Variants in MAGI2 observed in about 807,000 individuals in gnomAD.
MAGI2 encodes the protein membrane-associated guanylate kinase, WW and PDZ domain-containing protein 2.
Under a neutral mutation model 133.3 loss-of-function variants are expected in MAGI2, and 35 were observed. That is an observed-to-expected ratio of 0.26 (90% CI 0.20 to 0.35). MAGI2 has a LOEUF of 0.35. MAGI2 is among the 10% of genes least tolerant of loss of function. MAGI2 has a pLI of 1.00. For missense variants in MAGI2, 1,636 were observed against 1,863.4 expected, an observed-to-expected ratio of 0.88 and a Z score of 2.25; for synonymous variants, 729 against 710.6, an observed-to-expected ratio of 1.03 and a Z score of -0.41.
chr7:78,352,358 C>T (rs763662953), intron 7 of MAGI2, among the ~76,000 whole-genome samples: 40 of 152,222 alleles, frequency 2.6e-4, no homozygotes, highest in African/African-American at 6.7e-4. Flanking sequence ...GTTTTAAATA[C>T]GTTATTATAA....
At position 78,178,085 on chromosome 7, in the gene MAGI2, A is replaced by G. The variant is rs76346657; in HGVS notation, c.2329T>C (p.Leu777=). 1,986 of 1,612,356 alleles carry G rather than the reference A, an allele frequency of 1.2e-3. 20 individuals are homozygous for G. The African/African-American group carries it at 0.024, about 19-fold the overall frequency. Residue 777 remains leucine, a synonymous_variant, in exon 14 of 22, where the codon TTG becomes CTG. Coordinates refer to ENST00000354212, the MANE Select transcript of MAGI2 (RefSeq NM_012301.4). ...MDSSGPDYKE[L]DVHLRRMESG... is the part of the protein sequence containing the mutation. ...TCCATCCTCCGAAGATGAACATCCA[A>G]TTCCTTATAATCTGGACCTGGCATA...
intron 1 of MAGI2, among the ~76,000 whole-genome samples, chr7:79,067,423 A>T (rs1814466834): frequency 6.6e-6 from 1 of 152,198 alleles, no homozygotes; most frequent in Non-Finnish European, 1.5e-5. Flanking sequence ...AATGGTGTAT[A>T]GGAATGCTTG....
chr7:78,158,421 A>T (rs1029084769), intron 16 of MAGI2: 1 of 152,210 alleles, frequency 6.6e-6, no homozygotes, highest in Non-Finnish European at 1.5e-5. Flanking sequence ...GAAGACAAAT[A>T]TGGGCTATGA....
At chr7:78,165,763 G>A (rs1195997193) in intron 15 of MAGI2, among the ~76,000 whole-genome samples, 6 of 152,044 alleles carry the variant, frequency 3.9e-5, no homozygotes, top group Admixed American at 1.3e-4. Context: ...ATAACAAAAC[G>A]ACAATGACAG....
intron 2 of MAGI2, among the ~76,000 whole-genome samples, chr7:78,754,052 C>T (rs1823710527): frequency 6.6e-6 from 1 of 152,074 alleles, no homozygotes; most frequent in South Asian, 2.1e-4. Flanking sequence ...CTGATGGAAA[C>T]TTGCATATTT....
intron 1 of MAGI2, among the ~76,000 whole-genome samples, chr7:79,035,219 G>A (rs986132424): frequency 6.7e-6 from 1 of 148,376 alleles, no homozygotes; most frequent in African/African-American, 2.5e-5. Flanking sequence ...GGCGGCGGGG[G>A]CAGGGGGGGT....
chr7:78,651,111 C>T (rs2151013894), intron 2 of MAGI2, among the ~76,000 whole-genome samples: 1 of 152,232 alleles, frequency 6.6e-6, no homozygotes, highest in Non-Finnish European at 1.5e-5. Context: ...TATTTCAAAT[C>T]AATCATTACA....
At chr7:78,516,805 G>A (rs750139839) in intron 4 of MAGI2, among the ~76,000 whole-genome samples, 1 of 152,180 alleles carries the variant, frequency 6.6e-6, no homozygotes, top group East Asian at 1.9e-4. Context: ...GTGATATTTC[G>A]AAGGCAAGGA....
At chr7:79,294,462 C>T (rs954474905) in intron 1 of MAGI2, among the ~76,000 whole-genome samples, 1 of 151,992 alleles carries the variant, frequency 6.6e-6, no homozygotes, top group Non-Finnish European at 1.5e-5. Context: ...AGGCTCCTCC[C>T]CAATGCAAAC....
At chr7:79,064,685 C>A (rs562009699) in intron 1 of MAGI2, among the ~76,000 whole-genome samples, 1 of 152,166 alleles carries the variant, frequency 6.6e-6, no homozygotes, top group African/African-American at 2.4e-5. Flanking sequence ...CTTGACAATC[C>A]ATTATTCCTT....
intron 1 of MAGI2, among the ~76,000 whole-genome samples, chr7:79,339,618 T>C (rs1005791648): frequency 6.6e-6 from 1 of 152,160 alleles, no homozygotes; most frequent in Non-Finnish European, 1.5e-5. Flanking sequence ...TTCTACTACG[T>C]ATATTAAGTG....
intron 21 of MAGI2, among the ~76,000 whole-genome samples, chr7:78,030,029 G>A (rs1392337553): frequency 6.6e-6 from 1 of 152,124 alleles, no homozygotes; most frequent in Non-Finnish European, 1.5e-5. Flanking sequence ...TCTTTAGGAA[G>A]CAAGTCAGCA....
chr7:78,115,096 G>C (rs1383924698), intron 20 of MAGI2, among the ~76,000 whole-genome samples: 1 of 152,206 alleles, frequency 6.6e-6, no homozygotes, highest in Non-Finnish European at 1.5e-5. Context: ...AAAGCAAAGT[G>C]AGAATAAGAC....
At chr7:79,111,020 G>C (rs946790057) in intron 1 of MAGI2, among the ~76,000 whole-genome samples, 5 of 152,146 alleles carry the variant, frequency 3.3e-5, no homozygotes, top group Non-Finnish European at 5.9e-5. Flanking sequence ...AAGCCAAGCA[G>C]ATGCCAGCAG....
chr7:79,071,638 T>G (rs1329009892), intron 1 of MAGI2, among the ~76,000 whole-genome samples: 1 of 151,994 alleles, frequency 6.6e-6, no homozygotes, highest in Admixed American at 6.6e-5. Context: ...TTTTTTTTTT[T>G]TTTTCCAGAG....
intron 1 of MAGI2, among the ~76,000 whole-genome samples, chr7:79,396,134 T>C (rs1845037468): frequency 6.6e-6 from 1 of 152,212 alleles, no homozygotes; most frequent in African/African-American, 2.4e-5. Flanking sequence ...GATCTATTTT[T>C]TTTTTCTTTC....
chr7:78,076,596 C>T (rs1201847622), intron 21 of MAGI2, among the ~76,000 whole-genome samples: 1 of 151,602 alleles, frequency 6.6e-6, no homozygotes, highest in African/African-American at 2.4e-5. Context: ...CCTGTAATCC[C>T]AGCACTTTGG....
In MAGI2 at chr7:78,747,491, G is replaced by A. The variant is rs753273629; in HGVS notation, c.419-120252C>T. Among the ~76,000 whole-genome samples, 2 of 151,714 alleles carry A rather than the reference G, an allele frequency of 1.3e-5. 1 individual carries two copies. Among genetic ancestry groups the A allele is most frequent in the Middle Eastern group, 6.3e-3 (2 of 316 alleles). On this transcript the variant is annotated intron_variant, in intron 2 of 21. Coordinates refer to ENST00000354212, the MANE Select transcript of MAGI2 (RefSeq NM_012301.4). ...TTAGAAACAGAATCCATTAACAAGA[G>A]GTTACCAATTGCAAGCATAGTCGAC...
At chr7:78,860,688 G>C (rs1437252759) in intron 2 of MAGI2, among the ~76,000 whole-genome samples, 1 of 152,162 alleles carries the variant, frequency 6.6e-6, no homozygotes, top group African/African-American at 2.4e-5. Context: ...GCTACTCAGG[G>C]TTCTGGCACC....
Sources: allele counts gnomAD v4.1 joint callset (sites outside exome capture counted in the v4.1 genomes callset), GRCh38; gene constraint gnomAD v4.1.1; transcripts MANE v1.5; gene names NCBI Gene and HGNC (gene_info 2026-07-23, HGNC 2026-07-21).